The following AP3D1 variants were observed in gnomAD, a reference collection of about 807,000 sequenced individuals.
The protein encoded by AP3D1 is AP-3 complex subunit delta-1.
In AP3D1, 51 loss-of-function variants were observed where a neutral mutation model predicts 147.6. The ratio of observed to expected loss-of-function variants is 0.35; its 90% CI spans 0.28 to 0.44. AP3D1 has a LOEUF of 0.44. Among genes scored for constraint, AP3D1 ranks in the 20% least tolerant of loss-of-function variants. AP3D1 has a pLI of 1.00. For missense variants in AP3D1, 1,421 were observed against 1,624.2 expected (o/e 0.87, Z 2.15); for synonymous variants, 760 against 663.0 (o/e 1.15, Z -2.25).
intron 31 of AP3D1, among the ~76,000 whole-genome samples, chr19:2,107,454 A>G (rs1753146246): frequency 6.6e-6 from 1 of 151,712 alleles, no homozygotes; most frequent in Admixed American, 6.6e-5. Context: ...GAAAAGTGCA[A>G]TAAAGGCCGG....
At chr19:2,118,310 ACCTGC>A (rs2018514095) in intron 15 of AP3D1, among the ~76,000 whole-genome samples, 1 of 152,074 alleles carries the variant, frequency 6.6e-6, no homozygotes, top group African/African-American at 2.4e-5. Context: ...AGGCTCTCAC[ACCTGC>A]TGTCTCGCCG....
At chr19:2,129,705 G>A (rs1035022454) in intron 6 of AP3D1, among the ~76,000 whole-genome samples, 13 of 152,198 alleles carry the variant, frequency 8.5e-5, no homozygotes, top group South Asian at 4.1e-4. Flanking sequence ...GAACAAGTGC[G>A]CACAAGCGTC....
chr19:2,142,828 T>C (rs1294467881), intron 1 of AP3D1, among the ~76,000 whole-genome samples: 1 of 151,958 alleles, frequency 6.6e-6, no homozygotes, highest in Non-Finnish European at 1.5e-5. Context: ...AATGGTGTGA[T>C]CTTGGCTCAC....
At position 2,109,183 on chromosome 19, in the gene AP3D1, C is replaced by T; in HGVS notation, c.3375G>A (p.Glu1125=). The T allele has an allele frequency of 1.9e-6, 3 of 1,604,138 alleles. No individual in the cohort carries two copies. Among genetic ancestry groups the T allele is most frequent in the Non-Finnish European group, 2.6e-6 (3 of 1,176,200 alleles). ...CYSDAFAKLL[E]SGDLSMSSIK... ...TTGAGCTCATGCTCAAGTCCCCAGA[C>T]TCCAGCAACTTAGCAAAGGCGTCAC... Residue 1125 remains glutamate (E), a synonymous_variant, in exon 30 of 32, where the codon GAG becomes GAA. Transcript: ENST00000643116.
intron 31 of AP3D1, among the ~76,000 whole-genome samples, chr19:2,105,341 T>C (rs958822661): frequency 7.2e-5 from 11 of 151,916 alleles, no homozygotes; most frequent in African/African-American, 2.4e-4. Context: ...CGCTGGAAGG[T>C]TGTGGGTTGA....
Position 2,108,617 on chromosome 19 carries a change from G to T in AP3D1, c.3552+70C>A, listed in dbSNP as rs569445279. 2,362 of 1,441,260 alleles carry T rather than the reference G, an allele frequency of 1.6e-3. 3 individuals carry two copies. Among genetic ancestry groups the T allele is most frequent in the Non-Finnish European group, 2.1e-3 (2,256 of 1,049,352 alleles). The allele number at this position is 1,441,260 out of a possible 1,614,324, so 89.3% of individuals were successfully genotyped here. A position where few individuals can be genotyped will look rare whatever the true frequency, so the allele number is the denominator to read the frequency against. On this transcript the variant is annotated intron_variant, in intron 31 of 31. Transcript: ENST00000643116. ...CTAAGTCCCAAAGCGCGCCTCTGGG[G>T]ATGAAGGCCTGGGCATGACCCCAGG...
intron 29 of AP3D1, 26 bp downstream of exon 29, chr19:2,109,847 C>T: frequency 1.9e-6 from 3 of 1,609,684 alleles, no homozygotes; most frequent in Non-Finnish European, 2.5e-6. Flanking sequence ...GGTTCGGGGA[C>T]ATAGGGGAGT....
At chr19:2,102,764 T>TAAATAAATAAAATAA (rs2017993619) in intron 31 of AP3D1, among the ~76,000 whole-genome samples, 1 of 137,292 alleles carries the variant, frequency 7.3e-6, no homozygotes, top group Non-Finnish European at 1.6e-5. Flanking sequence ...AATAAATAAA[T>TAAATAAATAAAATAA]AAATAAATAA....
intron 26 of AP3D1, 151 bp downstream of exon 26, chr19:2,111,134 G>A: frequency 9.3e-7 from 1 of 1,070,684 alleles, no homozygotes; most frequent in Non-Finnish European, 1.4e-6. Flanking sequence ...CCCCAAGCCA[G>A]AGGTGCTGCC....
At chr19:2,164,230 G>A in intron 1 of AP3D1, 1 of 1,290,012 alleles carries the variant, frequency 7.8e-7, no homozygotes, top group Non-Finnish European at 9.8e-7. Flanking sequence ...CGTGGGGGCT[G>A]AGCCCGCCGT....
intron 1 of AP3D1, among the ~76,000 whole-genome samples, chr19:2,159,761 C>T (rs1386292735): frequency 4.0e-5 from 6 of 150,766 alleles, no homozygotes; most frequent in African/African-American, 7.3e-5. Flanking sequence ...AGTGCAGTGG[C>T]GCTATCTTGG....
intron 26 of AP3D1, 133 bp downstream of exon 26, chr19:2,111,152 C>T (rs992339339): frequency 3.3e-6 from 4 of 1,202,476 alleles, no homozygotes; most frequent in Admixed American, 2.2e-5. Flanking sequence ...GCCCAAGCAA[C>T]GCCCCTGCCA....
At chr19:2,133,029 G>GA in intron 4 of AP3D1, among the ~76,000 whole-genome samples, 1 of 152,320 alleles carries the variant, frequency 6.6e-6, no homozygotes, top group Admixed American at 6.5e-5. Context: ...GTGTGGGGAA[G>GA]GGCCACCCCG....
chr19:2,107,966 T>C (rs1046600950), intron 31 of AP3D1, among the ~76,000 whole-genome samples: 7 of 152,178 alleles, frequency 4.6e-5, no homozygotes, highest in African/African-American at 1.4e-4. Flanking sequence ...GAACGGTAAC[T>C]TGGGGATTCC....
chr19:2,108,624 GC>G, intron 31 of AP3D1, 62 bp downstream of exon 31: 2 of 1,456,368 alleles, frequency 1.4e-6, no homozygotes, highest in African/African-American at 1.4e-5. Flanking sequence ...GGGGATGAAG[GC>G]CTGGGCATGA....
At chr19:2,130,155 G>C (rs2018897297) in intron 6 of AP3D1, among the ~76,000 whole-genome samples, 1 of 152,206 alleles carries the variant, frequency 6.6e-6, no homozygotes, top group African/African-American at 2.4e-5. Context: ...GCTGGCGGGG[G>C]TGGGTACACC....
chr19:2,137,122 C>T (rs1326527289), intron 3 of AP3D1, 31 bp from the exon 4 acceptor site: 1 of 1,549,268 alleles, frequency 6.5e-7, no homozygotes, highest in Admixed American at 1.9e-5. Context: ...ACATCAGAGG[C>T]AGGACACCCG....
intron 24 of AP3D1, chr19:2,112,500 G>T (rs553507683): frequency 1.8e-5 from 4 of 216,674 alleles, no homozygotes; most frequent in Non-Finnish European, 3.7e-5. Flanking sequence ...GTGGGTGCCA[G>T]GGCAGGGAAG....
rs1444204649 is a variant in AP3D1 at position 2,151,490 on chromosome 19, G to A, written c.-156C>T. ...GGCGGCGGCGGGGTCCAAGGACCGCGGCAGAGGCGGCGACCCGCTCGGCAG... is the reference window on the plus strand; with the variant it reads ...GGCGGCGGCGGGGTCCAAGGACCGCAGCAGAGGCGGCGACCCGCTCGGCAG... On this transcript the variant is annotated 5_prime_UTR_variant, in exon 1 of 32. Coordinates refer to ENST00000643116, the MANE Select transcript of AP3D1 (RefSeq NM_001261826.3). 1.3e-5 allele frequency: 3 copies of A among 230,138 alleles called. No homozygotes were observed. Among genetic ancestry groups the A allele is most frequent in the Non-Finnish European group, 2.2e-5 (3 of 137,318 alleles). The allele number at this position is 230,138 out of a possible 1,614,324, so 14.3% of individuals were successfully genotyped here.
Sources: gnomAD v4.1 joint callset for allele counts (sites outside exome capture counted in the v4.1 genomes callset) on GRCh38, gnomAD v4.1.1 for gene constraint, MANE v1.5 for transcripts, NCBI Gene and HGNC (gene_info 2026-07-23, HGNC 2026-07-21) for gene names.